Variants in ADAR observed in about 807,000 individuals in gnomAD.
ADAR encodes double-stranded RNA-specific adenosine deaminase.
ADAR carries 41 observed loss-of-function variants against 113.2 expected under a neutral mutation model. The observed-to-expected ratio is 0.36, with a 90% CI of 0.28 to 0.47. ADAR has a LOEUF of 0.47. Ranked by LOEUF, ADAR falls within the 20% of genes least tolerant of loss-of-function variation. ADAR has a pLI of 1.00. For missense variants in ADAR, 1,242 were observed against 1,540.9 expected (o/e 0.81, Z 3.25); for synonymous variants, 605 against 572.6 (o/e 1.06, Z -0.81).
intron 1 of ADAR, among the ~76,000 whole-genome samples, chr1:154,622,419 C>T (rs1423172195): frequency 6.6e-6 from 1 of 152,176 alleles, no homozygotes; most frequent in Non-Finnish European, 1.5e-5. Context: ...GTTGACAACC[C>T]TTGGTCCCCA....
At chr1:154,613,631 G>T (rs1027773054) in intron 1 of ADAR, among the ~76,000 whole-genome samples, 3 of 152,036 alleles carry the variant, frequency 2.0e-5, no homozygotes, top group Non-Finnish European at 4.4e-5. Context: ...GTGGCCAGGC[G>T]CGGTGGCTCA....
chr1:154,605,382 C>T (rs1230749593), intron 1 of ADAR, among the ~76,000 whole-genome samples: 1 of 131,462 alleles, frequency 7.6e-6, no homozygotes, highest in Non-Finnish European at 1.7e-5. Context: ...CCTTGAGCTT[C>T]TCCTACTCAG....
At chr1:154,626,213 TGA>T (rs75349701) in intron 1 of ADAR, among the ~76,000 whole-genome samples, 2 of 136,880 alleles carry the variant, frequency 1.5e-5, no homozygotes, top group Non-Finnish European at 1.6e-5. Context: ...CACCTGGGTT[TGA>T]GAGATTGTCC....
Position 154,597,218 on chromosome 1 carries a change from C to T in ADAR, c.1984G>A (p.Ala662Thr). ...TGCTTTGCCACTTTCTTGCTGGGAG[C>T]ACTCACACTGGGGAAAGTTTGGGCT... ...VGAQTFPSVS[A>T]PSKKVAKQMA... The change falls in exon 5 of 15, where the codon GCT becomes ACT. Residue 662 changes from alanine (A) to threonine (T), a missense_variant. Ala to Thr is a moderately conservative substitution (Grantham distance 58). Coordinates refer to ENST00000368474, the MANE Select transcript of ADAR (RefSeq NM_001111.5). 1 of 1,614,194 alleles carries T rather than the reference C, an allele frequency of 6.2e-7. No individual in the cohort carries two copies. The highest frequency in any genetic ancestry group is 8.5e-7 in the Non-Finnish European group (1 of 1,180,038).
chr1:154,607,861 C>T, intron 1 of ADAR, 131 bp downstream of exon 1: 1 of 1,421,088 alleles, frequency 7.0e-7, no homozygotes, highest in Non-Finnish European at 9.6e-7. Flanking sequence ...AGCAATGCTG[C>T]TTGGCAAGAC....
rs746915200 is a variant in ADAR, at chr1:154,585,214, T to C, written c.3443+3A>G. 6 of 1,614,050 alleles carry C rather than the reference T, an allele frequency of 3.7e-6. No individual in the cohort carries two copies. In the Admixed American group the frequency reaches 8.3e-5, roughly 22 times the overall value. ...TCCTCACTGCGCTCTCCTGTCTCCT[T>C]ACCCATCCACAGTGCCTCTGGTACC... On this transcript the variant is annotated splice_donor_region_variant and intron_variant, in intron 14 of 14. Coordinates refer to ENST00000368474, the MANE Select transcript of ADAR (RefSeq NM_001111.5).
Position 154,585,270 on chromosome 1 carries a change from C to T in ADAR, c.3390G>A (p.Leu1130=). 6.2e-7 allele frequency: 1 copy of T among 1,614,232 alleles called. No homozygotes were observed. The highest frequency in any genetic ancestry group is 8.5e-7 in the Non-Finnish European group (1 of 1,180,038). Residue 1130 remains leucine, a synonymous_variant, in exon 14 of 15, where the codon CTG becomes CTA. Transcript: ENST00000368474. ...KTKETSVNWC[L]ADGYDLEILD... ...GGATCTCCAGGTCATAGCCATCAGCCAGACACCAGTTGACGCTTGTCTCCT... is the reference window on the plus strand; with the variant it reads ...GGATCTCCAGGTCATAGCCATCAGCTAGACACCAGTTGACGCTTGTCTCCT...
rs943622821 is a variant in ADAR at position 154,598,594 on chromosome 1, A to G, written c.1602-9T>C. On this transcript the variant is annotated splice_polypyrimidine_tract_variant and intron_variant, in intron 2 of 14. Coordinates refer to ENST00000368474, the MANE Select transcript of ADAR (RefSeq NM_001111.5). ...CAACCTGGAATTTAAATCTTGACGGAAAGTGATTAGATGTGTGAACAGGAG... is the reference window on the plus strand; with the variant it reads ...CAACCTGGAATTTAAATCTTGACGGGAAGTGATTAGATGTGTGAACAGGAG... 6.2e-7 allele frequency: 1 copy of G among 1,614,050 alleles called. No individual in the cohort carries two copies. Among genetic ancestry groups the G allele is most frequent in the Non-Finnish European group, 8.5e-7 (1 of 1,179,912 alleles).
intron 6 of ADAR, among the ~76,000 whole-genome samples, chr1:154,592,943 C>T (rs1169000630): frequency 6.6e-6 from 1 of 151,750 alleles, no homozygotes; most frequent in African/African-American, 2.4e-5. Context: ...GAAGACCAGC[C>T]TGGCCAACAT....
exon 1 of ADAR, chr1:154,627,942 A>G (rs1571158726): frequency 2.5e-6 from 1 of 405,938 alleles, no homozygotes; most frequent in Non-Finnish European, 4.8e-6. Flanking sequence ...CCCACCACGT[A>G]GCCTTCTCTA....
intron 1 of ADAR, among the ~76,000 whole-genome samples, chr1:154,613,904 C>CCAA (rs59907056): frequency 0.43 from 52,920 of 123,874 alleles, 11,496 homozygotes; most frequent in East Asian, 0.53. Flanking sequence ...AACTCCATCT[C>CCAA]AAAAAAAAAA....
chr1:154,600,824 C>T, intron 2 of ADAR: 1 of 652,352 alleles, frequency 1.5e-6, no homozygotes, highest in Admixed American at 2.8e-5. Context: ...GTCAACCTCC[C>T]CCTTGTTCAG....
intron 1 of ADAR, among the ~76,000 whole-genome samples, chr1:154,614,645 CAATTTACGAAACAACCA>C (rs1365934231): frequency 5.9e-5 from 9 of 152,232 alleles, no homozygotes; most frequent in Admixed American, 5.9e-4. Flanking sequence ...CTTGGATAAC[CAATTTACGAAACAACCA>C]ATATGTTGCA....
At chr1:154,623,136 A>G (rs965177104) in intron 1 of ADAR, among the ~76,000 whole-genome samples, 2 of 152,164 alleles carry the variant, frequency 1.3e-5, no homozygotes, top group Non-Finnish European at 2.9e-5. Context: ...ATCAAACAGA[A>G]ATAACATCTA....
At position 154,598,023 on chromosome 1, in the gene ADAR, G is replaced by A. The variant is rs202007320; in HGVS notation, c.1786-47C>T. 10 of 1,590,382 alleles carry A rather than the reference G, an allele frequency of 6.3e-6. No homozygotes were observed. In the Admixed American group the frequency reaches 1.8e-4, roughly 28 times the overall value. On this transcript the variant is annotated intron_variant, in intron 3 of 14. Coordinates refer to ENST00000368474, the MANE Select transcript of ADAR (RefSeq NM_001111.5). ...AAGAAAACAAAACTAAGAAAACACT[G>A]GTTAGTCCATCACAGAAGAAGGGAT...
chr1:154,605,693 T>C (rs1698150304), intron 1 of ADAR, among the ~76,000 whole-genome samples: 1 of 152,154 alleles, frequency 6.6e-6, no homozygotes, highest in African/African-American at 2.4e-5. Flanking sequence ...AAGACGCCAC[T>C]ATGCAAGCAA....
At chr1:154,627,720 C>A in intron 1 of ADAR, 1 of 399,786 alleles carries the variant, frequency 2.5e-6, no homozygotes, top group South Asian at 1.8e-5. Flanking sequence ...CCCCACCCAG[C>A]CCTGCGGCCA....
At chr1:154,616,553 C>CCCTA (rs535080956) in intron 1 of ADAR, among the ~76,000 whole-genome samples, 136 of 152,208 alleles carry the variant, frequency 8.9e-4, no homozygotes, top group African/African-American at 3.2e-3. Flanking sequence ...GAGCTCTAAC[C>CCCTA]CCTACCCCCT....
chr1:154,590,140 G>GGGGGGGGGC, intron 7 of ADAR, 44 bp downstream of exon 7: 1 of 1,373,186 alleles, frequency 7.3e-7, no homozygotes, highest in Non-Finnish European at 1.0e-6. Flanking sequence ...GAGTTAGGAG[G>GGGGGGGGGC]ACCCCCCCGC....
Sources: gnomAD v4.1 joint callset for allele counts (sites outside exome capture counted in the v4.1 genomes callset) on GRCh38, gnomAD v4.1.1 for gene constraint, MANE v1.5 for transcripts, NCBI Gene and HGNC (gene_info 2026-07-23, HGNC 2026-07-21) for gene names.